Variants in NOTCH2NLC observed in about 807,000 individuals in gnomAD.
The protein encoded by NOTCH2NLC is notch homolog 2 N-terminal-like protein C.
NOTCH2NLC carries 4 observed loss-of-function variants against 17.7 expected under a neutral mutation model. That is an observed-to-expected ratio of 0.23 (90% confidence interval 0.11 to 0.52). NOTCH2NLC has a LOEUF of 0.52. NOTCH2NLC is among the 20% of genes least tolerant of loss of function. The pLI, the probability that NOTCH2NLC is intolerant of heterozygous loss-of-function variation, is 0.96. For missense variants in NOTCH2NLC, 57 were observed against 207.2 expected, an observed-to-expected ratio of 0.28 and a Z score of 4.45; for synonymous variants, 18 against 86.0, an observed-to-expected ratio of 0.21 and a Z score of 4.38.
intron 1 of NOTCH2NLC, among the ~76,000 whole-genome samples, chr1:149,395,456 GTTTC>G (rs1345696938): frequency 3.5e-5 from 5 of 143,666 alleles, no homozygotes; most frequent in Admixed American, 1.4e-4. Context: ...TGTGTGTGGG[GTTTC>G]TTTCTTTCTT....
intron 3 of NOTCH2NLC, among the ~76,000 whole-genome samples, chr1:149,462,521 T>C (rs1237131443): frequency 7.4e-6 from 1 of 134,416 alleles, no homozygotes; most frequent in Non-Finnish European, 1.6e-5. Flanking sequence ...AGAATATATG[T>C]GTGTGTTACA....
Position 149,466,199 on chromosome 1 carries a change from C to A in NOTCH2NLC, c.*2046C>A, listed in dbSNP as rs2084681885. The A allele has an allele frequency of 7.5e-6, 1 of 133,654 alleles. No individual in the cohort carries two copies. Among genetic ancestry groups the A allele is most frequent in the Admixed American group, 7.7e-5 (1 of 13,020 alleles). 8.3% of individuals were successfully genotyped at this position (133,654 alleles called of 1,614,324 possible). On this transcript the variant is annotated 3_prime_UTR_variant, in exon 5 of 5. Transcript: ENST00000650865. ...AATATATGTTCATGTTATAAGAAAA[C>A]CAAGACACTCCTAATTATAATCAAA...
rs1161182745 is a variant in NOTCH2NLC at position 149,467,608 on chromosome 1, G to T, written c.*3455G>T. On this transcript the variant is annotated 3_prime_UTR_variant, in exon 5 of 5. Coordinates refer to ENST00000650865, the MANE Select transcript of NOTCH2NLC (RefSeq NM_001364013.2). ...AAAGTCTTTAGCAGAAGCTAAAGGA[G>T]GGGCACCAACCACAGTAATTTTAAC... The T allele has an allele frequency of 1.1e-5, 1 of 92,428 alleles. No homozygotes were observed. The highest frequency in any genetic ancestry group is 2.1e-5 in the Non-Finnish European group (1 of 46,986). 5.7% of individuals were successfully genotyped at this position (92,428 alleles called of 1,614,324 possible). A position where few individuals can be genotyped will look rare whatever the true frequency, so the allele number is the denominator to read the frequency against.
chr1:149,462,845 T>TTC (rs1196433330), intron 3 of NOTCH2NLC, among the ~76,000 whole-genome samples: 9 of 146,274 alleles, frequency 6.2e-5, no homozygotes, highest in Admixed American at 6.1e-4. Context: ...TTTTTTTTTT[T>TTC]TTTTTTTTGA....
At chr1:149,432,279 T>C (rs1193737460) in intron 2 of NOTCH2NLC, among the ~76,000 whole-genome samples, 3 of 150,542 alleles carry the variant, frequency 2.0e-5, no homozygotes, top group East Asian at 2.0e-4. Context: ...ATTTAGTTTT[T>C]TAATGTTATA....
chr1:149,427,459 T>G (rs1161413737), intron 1 of NOTCH2NLC, among the ~76,000 whole-genome samples: 49 of 145,642 alleles, frequency 3.4e-4, no homozygotes, highest in Middle Eastern at 3.6e-3. Flanking sequence ...ATCTAAAGGT[T>G]GAATAGTATT....
chr1:149,412,968 G>A (rs1216563535), intron 1 of NOTCH2NLC, among the ~76,000 whole-genome samples: 2 of 135,042 alleles, frequency 1.5e-5, no homozygotes, highest in Non-Finnish European at 3.2e-5. Flanking sequence ...GCAGTGGTGC[G>A]ATGTTGGCTT....
intron 3 of NOTCH2NLC, among the ~76,000 whole-genome samples, chr1:149,461,546 C>T (rs1294386470): frequency 6.6e-6 from 1 of 151,024 alleles, no homozygotes; most frequent in Admixed American, 6.6e-5. Context: ...ATTTACCTTT[C>T]TATGAGGTCA....
rs1475219639 is a variant in NOTCH2NLC, at chr1:149,471,796, C to T, written c.*7643C>T. Among the ~76,000 whole-genome samples the T allele has an allele frequency of 7.6e-6, 1 of 131,704 alleles. No individual in the cohort carries two copies. Among genetic ancestry groups the T allele is most frequent in the Non-Finnish European group, 1.6e-5 (1 of 63,112 alleles). The allele number at this position is 131,704 out of a possible 152,430, so 86.4% of individuals were successfully genotyped here. A position where few individuals can be genotyped will look rare whatever the true frequency, so the allele number is the denominator to read the frequency against. The stretch of plus-strand genomic sequence containing the variant: ...GTGATATATGAATTATACTATGGAA[C>T]TAATAATAACAGTAATAAAGCAAGG... On this transcript the variant is annotated 3_prime_UTR_variant, in exon 5 of 5. Transcript: ENST00000650865.
At chr1:149,417,081 T>C (rs1324205856) in intron 1 of NOTCH2NLC, among the ~76,000 whole-genome samples, 1 of 139,986 alleles carries the variant, frequency 7.1e-6, no homozygotes, top group African/African-American at 2.6e-5. Context: ...CAGATTATGG[T>C]GGATATCAGG....
chr1:149,417,330 G>T (rs1368398942), intron 1 of NOTCH2NLC, among the ~76,000 whole-genome samples: 1 of 150,608 alleles, frequency 6.6e-6, no homozygotes, highest in Non-Finnish European at 1.5e-5. Context: ...GGATGGTCTC[G>T]ATCTCCTGAC....
chr1:149,459,027 G>A, intron 3 of NOTCH2NLC, among the ~76,000 whole-genome samples: 2 of 46,684 alleles, frequency 4.3e-5, no homozygotes, highest in Admixed American at 5.0e-4. Context: ...CAGGATGTTG[G>A]GGAACATGGT....
intron 1 of NOTCH2NLC, among the ~76,000 whole-genome samples, chr1:149,424,846 G>T (rs1297056113): frequency 6.6e-6 from 1 of 151,046 alleles, no homozygotes; most frequent in Admixed American, 6.6e-5. Flanking sequence ...AGAGGAGGGA[G>T]CAAGAGAGAT....
chr1:149,418,936 TTCTC>T (rs1306828297), intron 1 of NOTCH2NLC, among the ~76,000 whole-genome samples: 4 of 151,000 alleles, frequency 2.6e-5, no homozygotes, highest in Admixed American at 6.6e-5. Context: ...CGCTTGCTCT[TTCTC>T]TCTTTCCCTT....
In NOTCH2NLC at chr1:149,468,819, G is replaced by A. The variant is rs1349914678; in HGVS notation, c.*4666G>A. ...CGGGTGATGGAGTGGGAGATACGTG[G>A]CACAGGGGTCAGTGAGTTAATCTGG... On this transcript the variant is annotated 3_prime_UTR_variant, in exon 5 of 5. Coordinates refer to ENST00000650865, the MANE Select transcript of NOTCH2NLC (RefSeq NM_001364013.2). Among the ~76,000 whole-genome samples, 1 of 140,718 alleles carries A rather than the reference G, an allele frequency of 7.1e-6. No individual in the cohort carries two copies. 92.3% of individuals were successfully genotyped at this position (140,718 alleles called of 152,430 possible).
chr1:149,418,306 G>A (rs1248817983), intron 1 of NOTCH2NLC, among the ~76,000 whole-genome samples: 17 of 121,374 alleles, frequency 1.4e-4, no homozygotes, highest in South Asian at 6.1e-4. Context: ...TTAATCACCA[G>A]CACTACACTA....
intron 1 of NOTCH2NLC, among the ~76,000 whole-genome samples, chr1:149,417,040 TGTA>T (rs1211259016): frequency 2.0e-5 from 3 of 147,336 alleles, no homozygotes; most frequent in African/African-American, 5.0e-5. Flanking sequence ...CTGAGAATGT[TGTA>T]GTCACAAATG....
At chr1:149,446,657 A>AT (rs1196410618) in intron 2 of NOTCH2NLC, among the ~76,000 whole-genome samples, 1 of 140,480 alleles carries the variant, frequency 7.1e-6, no homozygotes, top group Non-Finnish European at 1.6e-5. Flanking sequence ...AGAAAAAGTC[A>AT]TAAATATATC....
chr1:149,423,811 A>G (rs2084394930), intron 1 of NOTCH2NLC, among the ~76,000 whole-genome samples: 2 of 147,402 alleles, frequency 1.4e-5, no homozygotes, highest in Non-Finnish European at 1.5e-5. Context: ...GGAGAAGGAT[A>G]TGAAAAAAAT....
Sources: gnomAD v4.1 joint callset for allele counts (sites outside exome capture counted in the v4.1 genomes callset) on GRCh38, gnomAD v4.1.1 for gene constraint, MANE v1.5 for transcripts, NCBI Gene and HGNC (gene_info 2026-07-23, HGNC 2026-07-21) for gene names.